Variants in TRIM54 observed in about 807,000 individuals in gnomAD.
TRIM54 encodes tripartite motif containing 54, also known as tripartite motif-containing protein 54.
Under a neutral mutation model 42.0 loss-of-function variants are expected in TRIM54, and 40 were observed. That is an observed-to-expected ratio of 0.95 (90% CI 0.74 to 1.24). The LOEUF is 1.24. Ranked by LOEUF, TRIM54 falls within the 50% of genes most tolerant of loss-of-function variation. The probability of loss-of-function intolerance (pLI) is 0.00; values close to 1 mark genes in which losing one functional copy is unlikely to be tolerated. For synonymous variants in TRIM54, 199 were observed against 194.9 expected (o/e 1.02, Z -0.17); for missense variants, 485 against 480.3 (o/e 1.01, Z -0.09).
intron 1 of TRIM54, among the ~76,000 whole-genome samples, chr2:27,295,598 G>A (rs1035270854): frequency 2.0e-5 from 3 of 152,256 alleles, no homozygotes; most frequent in East Asian, 1.9e-4. Context: ...GAGCCAGCGC[G>A]CCTGGTCTCA....
At chr2:27,298,467 C>A in intron 1 of TRIM54, 100 bp from the exon 2 acceptor site, 1 of 864,708 alleles carries the variant, frequency 1.2e-6, no homozygotes. Context: ...TCCCCTCCAT[C>A]AAGTTCCTAC....
chr2:27,301,673 A>G (rs776188171), intron 3 of TRIM54, among the ~76,000 whole-genome samples: 4 of 152,048 alleles, frequency 2.6e-5, no homozygotes, highest in Non-Finnish European at 4.4e-5. Context: ...TTTTATCAGC[A>G]AGGTCTGTAT....
intron 1 of TRIM54, among the ~76,000 whole-genome samples, chr2:27,283,585 C>G (rs1678445674): frequency 6.6e-6 from 1 of 151,966 alleles, no homozygotes; most frequent in African/African-American, 2.4e-5. Context: ...TATCTGTGGT[C>G]ATGGGGCCAA....
Position 27,305,954 on chromosome 2 carries a change from G to A in TRIM54, c.844-126G>A, listed in dbSNP as rs902467785. 10 of 1,432,232 alleles carry A rather than the reference G, an allele frequency of 7.0e-6. No individual in the cohort carries two copies. The African/African-American group carries it at 8.5e-5, about 12-fold the overall frequency. The allele number at this position is 1,432,232 out of a possible 1,614,324, so 88.7% of individuals were successfully genotyped here. A position where few individuals can be genotyped will look rare whatever the true frequency, so the allele number is the denominator to read the frequency against. Reference sequence around the variant, plus strand: ...TGGGCAAGTCACCCCCTCTGAGTTCGTTTTCTGCTTAACGAATTGGGACGT... The same window carrying A: ...TGGGCAAGTCACCCCCTCTGAGTTCATTTTCTGCTTAACGAATTGGGACGT... On this transcript the variant is annotated intron_variant, in intron 5 of 8. Coordinates refer to ENST00000380075, the MANE Select transcript of TRIM54 (RefSeq NM_187841.3).
In TRIM54 at chr2:27,305,691, AGAG is replaced by A. The variant is rs760748447; in HGVS notation, c.721_723del (p.Glu241del). ...TGCTGCAGGCGCTGGCCCGGGAGCA[AGAG>A]GAGAAGCTGCAGCGCGTCCGCGGCC... On this transcript the variant is annotated inframe_deletion, in exon 5 of 9. Transcript: ENST00000380075. 1.1e-5 allele frequency: 18 copies of A among 1,613,038 alleles called. No homozygotes were observed. The highest frequency in any genetic ancestry group is 6.7e-5 in the East Asian group (3 of 44,864).
In TRIM54 at chr2:27,305,779, C is replaced by A. The variant is rs763986917; in HGVS notation, c.805C>A (p.Gln269Lys). 1.2e-6 allele frequency: 2 copies of A among 1,610,282 alleles called. No individual in the cohort carries two copies. Among genetic ancestry groups the A allele is most frequent in the African/African-American group, 2.7e-5 (2 of 74,816 alleles). ...CTCTAAGCTGGTGGAGTCTGCCATC[C>A]AGTCCATGGAAGAGCCACAAATGGC... ...ASSKLVESAI[Q>K]SMEEPQMALY... Residue 269 changes from glutamine (Q) to lysine (K), a missense_variant, in exon 5 of 9, where the codon CAG becomes AAG. Physicochemically the swap from Gln to Lys is moderately conservative, Grantham distance 53. Coordinates refer to ENST00000380075, the MANE Select transcript of TRIM54 (RefSeq NM_187841.3).
At chr2:27,286,058 A>G (rs1678548669) in intron 1 of TRIM54, among the ~76,000 whole-genome samples, 1 of 152,224 alleles carries the variant, frequency 6.6e-6, no homozygotes, top group South Asian at 2.1e-4. Flanking sequence ...GTGAGACCTC[A>G]TCTCTACAAA....
intron 1 of TRIM54, 56 bp from the exon 2 acceptor site, chr2:27,298,511 T>TC: frequency 2.0e-6 from 3 of 1,480,640 alleles, no homozygotes; most frequent in Non-Finnish European, 2.8e-6. Flanking sequence ...CCCTGCCTCC[T>TC]CCGAGTCCCT....
intron 2 of TRIM54, 140 bp downstream of exon 2, chr2:27,298,879 G>T: frequency 1.0e-6 from 1 of 962,294 alleles, no homozygotes; most frequent in Admixed American, 2.7e-5. Flanking sequence ...TCCGGAGAGG[G>T]ACTTGCCTCA....
chr2:27,298,871 C>G (rs1387947403), intron 2 of TRIM54, 132 bp downstream of exon 2: 1 of 1,009,140 alleles, frequency 9.9e-7, no homozygotes, highest in Non-Finnish European at 1.4e-6. Flanking sequence ...GGACTGGATC[C>G]GGAGAGGGAC....
chr2:27,296,612 G>A (rs947218885), intron 1 of TRIM54, among the ~76,000 whole-genome samples: 10 of 152,188 alleles, frequency 6.6e-5, no homozygotes, highest in African/African-American at 2.4e-4. Flanking sequence ...CCAGCAGGCA[G>A]GAGAAAAGGG....
chr2:27,289,608 C>T (rs1476638358), intron 1 of TRIM54, among the ~76,000 whole-genome samples: 2 of 152,136 alleles, frequency 1.3e-5, no homozygotes, highest in East Asian at 3.9e-4. Flanking sequence ...TGAGCCACTG[C>T]ACATGGCCAG....
In TRIM54 at chr2:27,306,357, G is replaced by A. The variant is rs1390993006; in HGVS notation, c.991+20G>A. The stretch of plus-strand genomic sequence containing the variant: ...AGCCAGGTGAAGGAGGTGGCCGAGG[G>A]CCGCTGAGACGGGTTCGGACCCTCT... On this transcript the variant is annotated intron_variant, in intron 7 of 8. Transcript: ENST00000380075. The surrounding 1 kb of genome is among the most constrained non-coding windows in gnomAD (Gnocchi z 6.1). 2 of 1,614,044 alleles carry A rather than the reference G, an allele frequency of 1.2e-6. No individual in the cohort carries two copies. Among genetic ancestry groups the A allele is most frequent in the South Asian group, 1.1e-5 (1 of 91,088 alleles).
At chr2:27,287,287 G>A (rs147571069) in intron 1 of TRIM54, among the ~76,000 whole-genome samples, 59 of 151,886 alleles carry the variant, frequency 3.9e-4, no homozygotes, top group African/African-American at 1.3e-3. Flanking sequence ...CTGCAGCCTC[G>A]ACTTCCCAGC....
chr2:27,283,796 A>ACG (rs1192179432), intron 1 of TRIM54, among the ~76,000 whole-genome samples: 2 of 150,592 alleles, frequency 1.3e-5, no homozygotes, highest in African/African-American at 4.9e-5. Flanking sequence ...ACACACACAC[A>ACG]CACACACACA....
At chr2:27,304,679 C>T (rs909944966) in intron 3 of TRIM54, 1 of 352,242 alleles carries the variant, frequency 2.8e-6, no homozygotes, top group Non-Finnish European at 5.2e-6. Context: ...AATGAATCTA[C>T]AGATAAAGTA....
At chr2:27,299,549 T>G in intron 3 of TRIM54, 133 bp downstream of exon 3, 1 of 1,532,280 alleles carries the variant, frequency 6.5e-7, no homozygotes, top group Non-Finnish European at 8.7e-7. Flanking sequence ...CTCACTCTGT[T>G]GCCCAGGCTG....
rs1240247609 is a variant in TRIM54 at position 27,299,229 on chromosome 2, G to A, written c.342-16G>A. 6.2e-7 allele frequency: 1 copy of A among 1,612,922 alleles called. No individual in the cohort carries two copies. The highest frequency in any genetic ancestry group is 8.5e-7 in the Non-Finnish European group (1 of 1,179,886). On this transcript the variant is annotated splice_polypyrimidine_tract_variant and intron_variant, in intron 2 of 8. Transcript: ENST00000380075. ...TCATGCTTAAGGTCCACCTCCCCCT[G>A]CCCACTCCTCTCTAGGCCGCTGCAC...
intron 2 of TRIM54, 152 bp from the exon 3 acceptor site, chr2:27,299,093 A>C (rs1678950348): frequency 1.2e-6 from 1 of 849,614 alleles, no homozygotes; most frequent in Non-Finnish European, 1.8e-6. Flanking sequence ...CTGTTCCCCA[A>C]ATTCAGAGCT....
Sources: allele counts gnomAD v4.1 joint callset (sites outside exome capture counted in the v4.1 genomes callset), GRCh38; gene constraint gnomAD v4.1.1; non-coding constraint Gnocchi (gnomAD v3.1); transcripts MANE v1.5; gene names NCBI Gene and HGNC (gene_info 2026-07-23, HGNC 2026-07-21).